The following BCAR3 variants were observed in gnomAD, a reference collection of about 807,000 sequenced individuals.
BCAR3 encodes breast cancer anti-estrogen resistance protein 3.
A neutral mutation model predicts 80.1 loss-of-function variants in BCAR3; 37 were observed. The ratio of observed to expected loss-of-function variants is 0.46; its 90% CI spans 0.36 to 0.61. BCAR3 has a LOEUF of 0.61. Among genes scored for constraint, BCAR3 ranks in the 20% least tolerant of loss-of-function variants. The pLI is 0.00. For missense variants in BCAR3, 978 were observed against 1,068.2 expected (o/e 0.92, Z 1.18); for synonymous variants, 389 against 418.9 (o/e 0.93, Z 0.87).
At chr1:93,692,551 G>C (rs1649232603) in intron 3 of BCAR3, among the ~76,000 whole-genome samples, 1 of 152,232 alleles carries the variant, frequency 6.6e-6, no homozygotes, top group African/African-American at 2.4e-5. Flanking sequence ...TGCATCATCT[G>C]AGTTAATCCT....
upstream of BCAR3, chr1:93,847,784 T>C: frequency 8.3e-6 from 1 of 120,526 alleles, no homozygotes; most frequent in African/African-American, 3.3e-5. Flanking sequence ...CATTCGGTTC[T>C]TGCGGTCCTT....
chr1:93,843,107 C>T (rs575440894), intron 2 of BCAR3, among the ~76,000 whole-genome samples: 3 of 152,224 alleles, frequency 2.0e-5, no homozygotes, highest in East Asian at 3.9e-4. Context: ...CTTGGGAAAC[C>T]ATGTGGTGGG....
At chr1:93,663,468 G>A (rs1052045811) in intron 2 of BCAR3, among the ~76,000 whole-genome samples, 1 of 152,168 alleles carries the variant, frequency 6.6e-6, no homozygotes, top group Admixed American at 6.5e-5. Context: ...GCAAGTCAAG[G>A]AGAAAAAGTA....
intron 2 of BCAR3, among the ~76,000 whole-genome samples, chr1:93,765,748 C>T (rs1652123800): frequency 6.6e-6 from 1 of 151,694 alleles, no homozygotes; most frequent in Non-Finnish European, 1.5e-5. Context: ...CTCACTGCAA[C>T]CTCCGCCTCC....
intron 3 of BCAR3, among the ~76,000 whole-genome samples, chr1:93,619,649 T>C (rs1476097397): frequency 6.6e-6 from 1 of 152,206 alleles, no homozygotes; most frequent in African/African-American, 2.4e-5. Flanking sequence ...GTCCCTCCCA[T>C]GCAGAGTGCT....
chr1:93,596,920 G>T (rs751662723), intron 3 of BCAR3, among the ~76,000 whole-genome samples: 5 of 152,132 alleles, frequency 3.3e-5, no homozygotes, highest in Non-Finnish European at 7.3e-5. Context: ...CCAGAGGAAG[G>T]GATGCTGCTG....
intron 2 of BCAR3, among the ~76,000 whole-genome samples, chr1:93,763,231 T>G (rs1652017169): frequency 6.6e-6 from 1 of 152,192 alleles, no homozygotes; most frequent in Admixed American, 6.5e-5. Flanking sequence ...ACATGGCTAA[T>G]TTTTAAATGT....
chr1:93,824,674 A>C (rs1654321249), intron 2 of BCAR3, among the ~76,000 whole-genome samples: 1 of 107,896 alleles, frequency 9.3e-6, no homozygotes, highest in African/African-American at 3.7e-5. Context: ...TCTTCCTCCT[A>C]CTCTGGCTTT....
chr1:93,831,240 C>T (rs774931948), intron 2 of BCAR3, among the ~76,000 whole-genome samples: 2 of 152,164 alleles, frequency 1.3e-5, no homozygotes, highest in African/African-American at 2.4e-5. Context: ...CCACCTGCTT[C>T]TCCGTGTCTC....
intron 2 of BCAR3, among the ~76,000 whole-genome samples, chr1:93,790,633 CA>C (rs1250919876): frequency 5.9e-5 from 5 of 84,182 alleles, no homozygotes; most frequent in Admixed American, 2.3e-4. Flanking sequence ...TTTTTGTATT[CA>C]TTTTTTTTTT....
At chr1:93,711,563 A>C (rs1046712679) in intron 2 of BCAR3, among the ~76,000 whole-genome samples, 4 of 152,186 alleles carry the variant, frequency 2.6e-5, no homozygotes, top group African/African-American at 9.7e-5. Flanking sequence ...GCCTGGATTC[A>C]ATCGGTGGAG....
chr1:93,815,270 G>C (rs1379595844), intron 2 of BCAR3, among the ~76,000 whole-genome samples: 1 of 152,226 alleles, frequency 6.6e-6, no homozygotes, highest in Non-Finnish European at 1.5e-5. Flanking sequence ...TAGGATGCCA[G>C]CGAGATGCAT....
At chr1:93,818,774 G>GT (rs751354304) in intron 2 of BCAR3, among the ~76,000 whole-genome samples, 4 of 152,154 alleles carry the variant, frequency 2.6e-5, no homozygotes, top group African/African-American at 4.8e-5. Flanking sequence ...TCAGAGAGTG[G>GT]TAAGTGCTGT....
intron 2 of BCAR3, among the ~76,000 whole-genome samples, chr1:93,761,272 C>T (rs532852891): frequency 1.6e-4 from 24 of 152,172 alleles, no homozygotes; most frequent in Admixed American, 1.2e-3. Context: ...CTGACCCCAA[C>T]GTCCTGAGCC....
At chr1:93,663,295 C>CT (rs1434610578) in intron 2 of BCAR3, among the ~76,000 whole-genome samples, 27 of 152,304 alleles carry the variant, frequency 1.8e-4, no homozygotes, top group African/African-American at 6.5e-4. Flanking sequence ...CACTCTGTTT[C>CT]TTTACAGCCC....
At chr1:93,842,671 T>A (rs1655001282) in intron 2 of BCAR3, among the ~76,000 whole-genome samples, 1 of 152,184 alleles carries the variant, frequency 6.6e-6, no homozygotes, top group Non-Finnish European at 1.5e-5. Context: ...GCTTTTCTCA[T>A]GCCAAATGCT....
At chr1:93,594,013 C>T (rs913574967) in intron 3 of BCAR3, among the ~76,000 whole-genome samples, 3 of 152,162 alleles carry the variant, frequency 2.0e-5, no homozygotes, top group Non-Finnish European at 2.9e-5. Flanking sequence ...TGTTTGACAC[C>T]GTCCGCTCCC....
At chr1:93,609,442 G>A (rs918232756) in intron 3 of BCAR3, among the ~76,000 whole-genome samples, 4 of 152,050 alleles carry the variant, frequency 2.6e-5, no homozygotes, top group African/African-American at 7.2e-5. Flanking sequence ...TGGCTTTTCC[G>A]CCCTTGCAAG....
chr1:93,642,824 G>T (rs1003188139), intron 2 of BCAR3, among the ~76,000 whole-genome samples: 1 of 152,244 alleles, frequency 6.6e-6, no homozygotes, highest in South Asian at 2.1e-4. Flanking sequence ...CCCAGTGCCT[G>T]GGTGATGGAG....
Sources: allele counts gnomAD v4.1 joint callset (sites outside exome capture counted in the v4.1 genomes callset), GRCh38; gene constraint gnomAD v4.1.1; transcripts MANE v1.5; gene names NCBI Gene and HGNC (gene_info 2026-07-23, HGNC 2026-07-21).